USP6: variants seen among roughly 807,000 people sequenced by gnomAD.
USP6 encodes ubiquitin specific peptidase 6.
In USP6, 128 loss-of-function variants were observed where a neutral mutation model predicts 175.7. That is an observed-to-expected ratio of 0.73 (90% CI 0.63 to 0.84). The LOEUF (loss-of-function observed/expected upper bound fraction) is 0.84, where lower values mean the gene tolerates loss of function less well. USP6 is among the 40% of genes least tolerant of loss of function. The pLI is 0.00. For missense variants in USP6, 1,498 were observed against 1,760.3 expected, an observed-to-expected ratio of 0.85 and a Z score of 2.67; for synonymous variants, 562 against 630.6, an observed-to-expected ratio of 0.89 and a Z score of 1.63.
Position 5,120,509 on chromosome 17 carries a change from G to GTGTCTGTC in USP6, c.-1836-101_-1836-94dup, listed in dbSNP as rs546927224. The GTGTCTGTC allele has an allele frequency of 1.2e-5, 4 of 336,164 alleles. No individual in the cohort carries two copies. In the East Asian group the frequency reaches 2.4e-4, roughly 20 times the overall value. The allele number at this position is 336,164 out of a possible 1,614,324, so 20.8% of individuals were successfully genotyped here. On this transcript the variant is annotated intron_variant, in intron 2 of 37. Coordinates refer to ENST00000574788, the MANE Select transcript of USP6 (RefSeq NM_001304284.2). ...AGGGTGAGGAGCTGTTGGCCTATCT[G>GTGTCTGTC]TGTCTGTCTGTCTGTCTGTCTGTCA...
chr17:5,149,603 A>T (rs1014419246), intron 30 of USP6, among the ~76,000 whole-genome samples: 2 of 152,090 alleles, frequency 1.3e-5, no homozygotes, highest in African/African-American at 4.8e-5. Flanking sequence ...ACACACACAA[A>T]ATTTATGTTT....
intron 5 of USP6, 143 bp from the exon 6 acceptor site, chr17:5,125,678 G>GCACACACACACACACACACA (rs71151842): frequency 4.6e-4 from 64 of 137,676 alleles, no homozygotes; most frequent in African/African-American, 1.7e-3. Flanking sequence ...ACACGCACAT[G>GCACACACACACACACACACA]CACACACACA....
At chr17:5,123,889 G>A (rs1189355284) in intron 4 of USP6, among the ~76,000 whole-genome samples, 5 of 149,758 alleles carry the variant, frequency 3.3e-5, no homozygotes, top group Non-Finnish European at 7.4e-5. Context: ...ATGCTCGCGC[G>A]CAAGCACGCA....
chr17:5,147,994 C>T (rs1346188225), intron 29 of USP6, among the ~76,000 whole-genome samples: 2 of 152,206 alleles, frequency 1.3e-5, no homozygotes, highest in African/African-American at 4.8e-5. Context: ...AATCCTCCCA[C>T]CTCAGCCTCC....
chr17:5,167,598 A>G (rs147885265), intron 33 of USP6, among the ~76,000 whole-genome samples: 12 of 152,082 alleles, frequency 7.9e-5, no homozygotes, highest in African/African-American at 2.7e-4. Context: ...TGCAACCTCT[A>G]CCTCCCAGAC....
intron 34 of USP6, among the ~76,000 whole-genome samples, chr17:5,168,406 C>T (rs951144738): frequency 4.6e-5 from 7 of 152,204 alleles, no homozygotes; most frequent in Admixed American, 3.3e-4. Context: ...AGGGGTACAA[C>T]GTGGTGAATG....
intron 7 of USP6, chr17:5,128,392 C>T (rs903699644): frequency 5.3e-5 from 8 of 152,184 alleles, no homozygotes; most frequent in African/African-American, 1.7e-4. Context: ...ATTAGAGATA[C>T]TAAAAATACC....
At chr17:5,143,940 A>G (rs2073532777) in intron 25 of USP6, among the ~76,000 whole-genome samples, 1 of 152,152 alleles carries the variant, frequency 6.6e-6, no homozygotes, top group East Asian at 1.9e-4. Context: ...AAGAAAAAAA[A>G]GTAGAAGAAT....
Position 5,131,896 on chromosome 17 carries a change from C to T in USP6, c.156-500C>T, listed in dbSNP as rs537607375. ...AGGGAGAGGCAGGTGGATGCTGAGA[C>T]GTCAGAACCTGCAAGAGCCTTGGGG... On this transcript the variant is annotated intron_variant, in intron 11 of 37. Transcript: ENST00000574788. 3.7e-4 allele frequency among the ~76,000 whole-genome samples: 57 copies of T among 152,220 alleles called. 1 individual carries two copies. In the Middle Eastern group the frequency reaches 0.01, roughly 27 times the overall value.
At chr17:5,123,861 C>G (rs1386350857) in intron 4 of USP6, among the ~76,000 whole-genome samples, 1 of 151,582 alleles carries the variant, frequency 6.6e-6, no homozygotes, top group Admixed American at 6.5e-5. Flanking sequence ...GCTGTTAACA[C>G]CGTACACCCC....
At position 5,147,211 on chromosome 17, in the gene USP6, ACTC is replaced by A. The variant is rs2073638314; in HGVS notation, c.2431+20_2431+22del. On this transcript the variant is annotated intron_variant, in intron 29 of 37. Transcript: ENST00000574788. ...CACAAATAGGTAAGATAGAACTAGA[ACTC>A]CTTCTCATGACTGCACCTTTAAATA... is the stretch of plus-strand genomic sequence containing the variant. The A allele has an allele frequency of 1.3e-6, 2 of 1,593,518 alleles. No homozygotes were observed. Among genetic ancestry groups the A allele is most frequent in the Non-Finnish European group, 8.6e-7 (1 of 1,164,652 alleles).
At chr17:5,120,079 C>T (rs779056821) in intron 2 of USP6, among the ~76,000 whole-genome samples, 10 of 152,172 alleles carry the variant, frequency 6.6e-5, no homozygotes, top group Non-Finnish European at 1.2e-4. Flanking sequence ...CCTTCTCAGC[C>T]GAGTTCTGTG....
chr17:5,146,204 A>AT (rs2073606464), intron 28 of USP6, 30 bp downstream of exon 28: 1 of 1,555,694 alleles, frequency 6.4e-7, no homozygotes, highest in African/African-American at 1.4e-5. Context: ...GAAACTTTTG[A>AT]TTCTATCCTT....
rs751279027 is a variant in USP6 at position 5,137,145 on chromosome 17, T to A, written c.784T>A (p.Cys262Ser). The change falls in exon 19 of 38, where the codon TGT (cysteine) becomes AGT (serine). Residue 262 changes from cysteine (C) to serine (S), a missense_variant. Cys to Ser is a moderately radical substitution (Grantham distance 112). Coordinates refer to ENST00000574788, the MANE Select transcript of USP6 (RefSeq NM_001304284.2). ...GGACAAGGAAGGTCTATGCGGGCAGTGTGCCTCGTTAGGCTGCCTTCTCCG... is the reference window on the plus strand; with the variant it reads ...GGACAAGGAAGGTCTATGCGGGCAGAGTGCCTCGTTAGGCTGCCTTCTCCG... ...HQDKEGLCGQ[C>S]ASLGCLLRNL... 24 of 1,613,500 alleles carry A rather than the reference T, an allele frequency of 1.5e-5. No homozygotes were observed. The South Asian group carries it at 2.6e-4, about 18-fold the overall frequency.
Position 5,120,334 on chromosome 17 carries a change from C to T in USP6, c.-1836-293C>T, listed in dbSNP as rs557878168. ...GAGTGAGGTCGCCTGTGGTCATCCT[C>T]CACTGTGCTGGGGGGTTGTTATCTC... On this transcript the variant is annotated intron_variant, in intron 2 of 37. Coordinates refer to ENST00000574788, the MANE Select transcript of USP6 (RefSeq NM_001304284.2). Among the ~76,000 whole-genome samples, 18 of 152,170 alleles carry T rather than the reference C, an allele frequency of 1.2e-4. No individual in the cohort carries two copies. In the South Asian group the frequency reaches 3.7e-3, roughly 32 times the overall value.
In USP6 at chr17:5,145,523, T is replaced by G; in HGVS notation, c.2111T>G (p.Phe704Cys). The change falls in exon 27 of 38, where the codon TTC becomes TGC. Residue 704 changes from phenylalanine (F) to cysteine (C), a missense_variant. Transcript: ENST00000574788. The stretch of plus-strand genomic sequence containing the variant: ...CATATAAGTGTCCGATTTGACCCTT[T>G]CAATTTTTTGTCTTTGCCACTACCA... ...CGHISVRFDP[F>C]NFLSLPLPMD... is the part of the protein sequence containing the mutation. 1 of 1,611,916 alleles carries G rather than the reference T, an allele frequency of 6.2e-7. No individual in the cohort carries two copies. Among genetic ancestry groups the G allele is most frequent in the Non-Finnish European group, 8.5e-7 (1 of 1,179,150 alleles).
At position 5,138,959 on chromosome 17, in the gene USP6, G is replaced by T. The variant is rs115553458; in HGVS notation, c.1079-296G>T. ...CCTCCCACTTGAGTTCTGATGGGGG[G>T]CCATATCCCAGGCCCAACAGCCCTG... On this transcript the variant is annotated intron_variant, in intron 21 of 37. Coordinates refer to ENST00000574788, the MANE Select transcript of USP6 (RefSeq NM_001304284.2). 2,271 of 1,434,670 alleles carry T rather than the reference G, an allele frequency of 1.6e-3. 25 individuals are homozygous for T. In the African/African-American group the frequency reaches 0.028, roughly 18 times the overall value. 88.9% of individuals were successfully genotyped at this position (1,434,670 alleles called of 1,614,324 possible).
chr17:5,141,954 A>G lies in USP6; in HGVS notation c.1574-49A>G, dbSNP rs376809938. 3 of 1,575,060 alleles carry G rather than the reference A, an allele frequency of 1.9e-6. No individual in the cohort carries two copies. In the African/African-American group the frequency reaches 4.1e-5, roughly 22 times the overall value. On this transcript the variant is annotated intron_variant, in intron 23 of 37. Coordinates refer to ENST00000574788, the MANE Select transcript of USP6 (RefSeq NM_001304284.2). ...TTGAATATAAGTAACTGTTTGTGCC[A>G]TGGCATATTACTACAGCTAAGCTTT...
chr17:5,132,156 A>T lies in USP6; in HGVS notation c.156-240A>T. The T allele has an allele frequency of 6.8e-7, 1 of 1,460,072 alleles. No homozygotes were observed. Among genetic ancestry groups the T allele is most frequent in the Non-Finnish European group, 9.2e-7 (1 of 1,089,522 alleles). The allele number at this position is 1,460,072 out of a possible 1,614,324, so 90.4% of individuals were successfully genotyped here. ...CCCCACTGTGGCCTGACCACCCCCC[A>T]TGCCAGGGGCCCCAGTAACCCCAGC... On this transcript the variant is annotated intron_variant, in intron 11 of 37. Coordinates refer to ENST00000574788, the MANE Select transcript of USP6 (RefSeq NM_001304284.2). This position sits in a 1 kb window ranked among gnomAD's most constrained non-coding sequence, Gnocchi z 4.7.
Sources: allele counts gnomAD v4.1 joint callset (sites outside exome capture counted in the v4.1 genomes callset), GRCh38; gene constraint gnomAD v4.1.1; non-coding constraint Gnocchi (gnomAD v3.1); transcripts MANE v1.5; gene names NCBI Gene and HGNC (gene_info 2026-07-23, HGNC 2026-07-21).